CNTNAP5: variants seen among roughly 807,000 people sequenced by gnomAD.
The protein encoded by CNTNAP5 is contactin-associated protein-like 5.
A neutral mutation model predicts 150.2 loss-of-function variants in CNTNAP5; 72 were observed. That is an observed-to-expected ratio of 0.48 (90% CI 0.40 to 0.58). The LOEUF (loss-of-function observed/expected upper bound fraction) is 0.58, where lower values mean the gene tolerates loss of function less well. Among genes scored for constraint, CNTNAP5 ranks in the 20% least tolerant of loss-of-function variants. The pLI, the probability that CNTNAP5 is intolerant of heterozygous loss-of-function variation, is 0.00. For synonymous variants in CNTNAP5, 672 were observed against 619.8 expected (o/e 1.08, Z -1.25); for missense variants, 1,636 against 1,626.2 (o/e 1.01, Z -0.10).
chr2:124,035,792 G>GT (rs1681196971), intron 1 of CNTNAP5, among the ~76,000 whole-genome samples: 1 of 150,726 alleles, frequency 6.6e-6, no homozygotes, highest in Admixed American at 6.6e-5. Context: ...AAAGGCTTCA[G>GT]TTTTTTGGCT....
At chr2:124,792,609 C>T (rs1293836938) in intron 18 of CNTNAP5, among the ~76,000 whole-genome samples, 1 of 152,126 alleles carries the variant, frequency 6.6e-6, no homozygotes, top group Non-Finnish European at 1.5e-5. Flanking sequence ...AGTTGTATAA[C>T]AATCACCACC....
At chr2:124,619,842 C>CATATATATATATAT (rs58774096) in intron 12 of CNTNAP5, among the ~76,000 whole-genome samples, 9 of 98,452 alleles carry the variant, frequency 9.1e-5, no homozygotes, top group Non-Finnish European at 1.2e-4. Context: ...CTGTCTCATT[C>CATATATATATATAT]ATATATATAT....
intron 3 of CNTNAP5, among the ~76,000 whole-genome samples, chr2:124,251,411 A>G (rs1012580899): frequency 5.9e-5 from 9 of 151,600 alleles, no homozygotes; most frequent in Admixed American, 2.0e-4. Flanking sequence ...TTGGAAGTAC[A>G]GAGAAGGAGT....
chr2:124,828,185 A>G (rs985868065), intron 19 of CNTNAP5, among the ~76,000 whole-genome samples: 5 of 152,238 alleles, frequency 3.3e-5, no homozygotes, highest in Admixed American at 2.0e-4. Flanking sequence ...CTTGTTATTT[A>G]AAAAATATGG....
chr2:124,264,376 A>G (rs1282083763), intron 3 of CNTNAP5, among the ~76,000 whole-genome samples: 1 of 40,736 alleles, frequency 2.5e-5, no homozygotes, highest in African/African-American at 7.7e-5. Flanking sequence ...ACACACAGGC[A>G]CACACACACA....
rs1426438111 is a variant in CNTNAP5 at position 124,764,060 on chromosome 2, A to G, written c.2446A>G (p.Ile816Val). Residue 816 changes from isoleucine (I) to valine (V), a missense_variant, in exon 16 of 24, where the codon ATT (isoleucine) becomes GTT (valine). Coordinates refer to ENST00000682447, the MANE Select transcript of CNTNAP5 (RefSeq NM_001367498.1). ...PTFHAEFSAD[I>V]SFFFKTTALS... ...CTTCCATGCGGAATTCAGTGCCGATATTTCCTTCTTTTTTAAAACCACAGC... is the reference window on the plus strand; with the variant it reads ...CTTCCATGCGGAATTCAGTGCCGATGTTTCCTTCTTTTTTAAAACCACAGC... 5.0e-6 allele frequency: 8 copies of G among 1,612,948 alleles called. No homozygotes were observed. The African/African-American group carries it at 8.0e-5, about 16-fold the overall frequency.
intron 22 of CNTNAP5, among the ~76,000 whole-genome samples, chr2:124,905,190 T>A (rs1678510432): frequency 6.8e-6 from 1 of 146,866 alleles, no homozygotes; most frequent in Non-Finnish European, 1.5e-5. Flanking sequence ...GTGCTTAACA[T>A]CACTGATCGT....
At chr2:124,321,398 G>A (rs1689095258) in intron 3 of CNTNAP5, among the ~76,000 whole-genome samples, 1 of 150,278 alleles carries the variant, frequency 6.7e-6, no homozygotes, top group Non-Finnish European at 1.5e-5. Flanking sequence ...AGCCAAGATT[G>A]TGCCATTGCA....
chr2:124,414,530 A>C (rs1315747775), intron 3 of CNTNAP5, among the ~76,000 whole-genome samples: 1 of 152,102 alleles, frequency 6.6e-6, no homozygotes, highest in Non-Finnish European at 1.5e-5. Flanking sequence ...GGACTTTGAG[A>C]CTGTGAGATT....
At chr2:124,094,287 C>T (rs1682881896) in intron 1 of CNTNAP5, among the ~76,000 whole-genome samples, 2 of 152,308 alleles carry the variant, frequency 1.3e-5, no homozygotes, top group South Asian at 2.1e-4. Context: ...GTCCTATGTG[C>T]ATTTAATTTC....
intron 3 of CNTNAP5, among the ~76,000 whole-genome samples, chr2:124,346,930 A>T (rs544601363): frequency 1.3e-5 from 2 of 150,222 alleles, no homozygotes; most frequent in South Asian, 4.2e-4. Flanking sequence ...AAAAAAAAAA[A>T]AAAATAGCTG....
chr2:124,116,271 G>T (rs761074115), intron 1 of CNTNAP5, among the ~76,000 whole-genome samples: 1 of 152,134 alleles, frequency 6.6e-6, no homozygotes, highest in Non-Finnish European at 1.5e-5. Flanking sequence ...AACTATAAAT[G>T]CTGAGTTAGG....
Position 124,184,024 on chromosome 2 carries a change from A to G in CNTNAP5, c.83-37681A>G, listed in dbSNP as rs116083361. Among the ~76,000 whole-genome samples, 633 of 152,350 alleles carry G rather than the reference A, an allele frequency of 4.2e-3. 6 individuals carry two copies. Among genetic ancestry groups the G allele is most frequent in the African/African-American group, 0.015 (611 of 41,584 alleles). ...GAAAACCACTCAGGCCAAGACATTT[A>G]GAGGATTCCAGAGGGAGTTCTACAT... is the stretch of plus-strand genomic sequence containing the variant. On this transcript the variant is annotated intron_variant, in intron 1 of 23. Transcript: ENST00000682447.
Position 124,764,122 on chromosome 2 carries a change from A to G in CNTNAP5, c.2508A>G (p.Lys836=), listed in dbSNP as rs1211308912. The G allele has an allele frequency of 1.2e-6, 2 of 1,613,024 alleles. No homozygotes were observed. The highest frequency in any genetic ancestry group is 3.3e-5 in the Admixed American group (2 of 59,952). ...SGVFLENLGI[K]DFIRLEISSP... ...TTTTCCTAGAAAATCTTGGCATTAA[A>G]GACTTCATTCGACTCGAAATAAGCT... The change falls in exon 16 of 24, where the codon AAA becomes AAG. Residue 836 remains lysine, a synonymous_variant. Transcript: ENST00000682447.
At chr2:124,193,624 T>G (rs1051071398) in intron 1 of CNTNAP5, among the ~76,000 whole-genome samples, 4 of 152,170 alleles carry the variant, frequency 2.6e-5, no homozygotes, top group African/African-American at 9.7e-5. Flanking sequence ...TGTTATGATA[T>G]AAACAGATAC....
intron 11 of CNTNAP5, among the ~76,000 whole-genome samples, chr2:124,571,134 T>TG (rs1365323162): frequency 2.6e-5 from 4 of 152,172 alleles, no homozygotes; most frequent in Non-Finnish European, 5.9e-5. Flanking sequence ...AGACAGAGGA[T>TG]GTGTAGAAAG....
chr2:124,533,443 C>A (rs114900387), intron 10 of CNTNAP5, among the ~76,000 whole-genome samples: 2 of 152,128 alleles, frequency 1.3e-5, no homozygotes, highest in Admixed American at 1.3e-4. Context: ...GCCTGGTGGC[C>A]GTACTCTGAG....
Position 124,281,771 on chromosome 2 carries a change from A to G in CNTNAP5, c.381+39378A>G, listed in dbSNP as rs913854578. 2.6e-5 allele frequency among the ~76,000 whole-genome samples: 4 copies of G among 152,122 alleles called. No individual in the cohort carries two copies. In the East Asian group the frequency reaches 7.7e-4, roughly 29 times the overall value. On this transcript the variant is annotated intron_variant, in intron 3 of 23. Coordinates refer to ENST00000682447, the MANE Select transcript of CNTNAP5 (RefSeq NM_001367498.1). ...GCTTCAGGGTTGTTGCTGACCGACT[A>G]CGGAAGCCGGATGGGACCTTTTAAG...
intron 1 of CNTNAP5, among the ~76,000 whole-genome samples, chr2:124,125,404 T>A (rs899370629): frequency 1.4e-4 from 22 of 152,240 alleles, no homozygotes; most frequent in African/African-American, 5.1e-4. Context: ...AGCACCCAGA[T>A]TCATAAAGCA....
Sources: allele counts gnomAD v4.1 joint callset (sites outside exome capture counted in the v4.1 genomes callset), GRCh38; gene constraint gnomAD v4.1.1; transcripts MANE v1.5; gene names NCBI Gene and HGNC (gene_info 2026-07-23, HGNC 2026-07-21).